The following WDR88 variants were observed in gnomAD, a reference collection of about 807,000 sequenced individuals.
The protein encoded by WDR88 is WD repeat domain 88.
WDR88 carries 40 observed loss-of-function variants against 46.8 expected under a neutral mutation model. The ratio of observed to expected loss-of-function variants is 0.86; its 90% confidence interval spans 0.66 to 1.11. The LOEUF is 1.11. Ranked by LOEUF, WDR88 falls within the 50% of genes most tolerant of loss-of-function variation. The pLI, the probability that WDR88 is intolerant of heterozygous loss-of-function variation, is 0.00. For synonymous variants in WDR88, 235 were observed against 240.7 expected, an observed-to-expected ratio of 0.98 and a Z score of 0.22; for missense variants, 562 against 602.4, an observed-to-expected ratio of 0.93 and a Z score of 0.70.
At chr19:33,146,078 G>T (rs889837489) in intron 3 of WDR88, among the ~76,000 whole-genome samples, 1 of 152,052 alleles carries the variant, frequency 6.6e-6, no homozygotes, top group South Asian at 2.1e-4. Context: ...ATCACCTGAG[G>T]TCGGGTAGCC....
chr19:33,170,730 C>T (rs910230036), intron 9 of WDR88, among the ~76,000 whole-genome samples: 3 of 151,984 alleles, frequency 2.0e-5, no homozygotes, highest in African/African-American at 7.2e-5. Flanking sequence ...GGTATGGTGG[C>T]GCATGCCTGT....
intron 2 of WDR88, 66 bp downstream of exon 2, chr19:33,137,853 T>C (rs1973307042): frequency 7.2e-7 from 1 of 1,389,744 alleles, no homozygotes; most frequent in Non-Finnish European, 1.0e-6. Context: ...ACCTCCTGTG[T>C]CGAGTTCCCC....
intron 7 of WDR88, among the ~76,000 whole-genome samples, chr19:33,158,782 C>T (rs1973811007): frequency 6.6e-6 from 1 of 152,194 alleles, no homozygotes; most frequent in African/African-American, 2.4e-5. Flanking sequence ...TCACTGCAAC[C>T]TCTGCCTCCT....
intron 7 of WDR88, among the ~76,000 whole-genome samples, chr19:33,157,730 TATATATAA>T (rs1456909916): frequency 0.048 from 2,803 of 58,526 alleles, 227 homozygotes; most frequent in African/African-American, 0.16. Flanking sequence ...TATATATATA[TATATATAA>T]AATTAAAGAG....
At chr19:33,173,308 G>A (rs957656214) in intron 10 of WDR88, among the ~76,000 whole-genome samples, 1 of 152,122 alleles carries the variant, frequency 6.6e-6, no homozygotes, top group Non-Finnish European at 1.5e-5. Flanking sequence ...ACCCTGGGCA[G>A]GTCCCCAGTG....
In WDR88 at chr19:33,150,074, A is replaced by G. The variant is rs199517957; in HGVS notation, c.680-1107A>G. The stretch of plus-strand genomic sequence containing the variant: ...GGCTGCTGGGTGAAGGACATGGGTG[A>G]TTTCTCTGTTATTCCTTACACCTCC... On this transcript the variant is annotated intron_variant, in intron 5 of 10. Coordinates refer to ENST00000355868, the MANE Select transcript of WDR88 (RefSeq NM_173479.4). Among the ~76,000 whole-genome samples, 118 of 152,292 alleles carry G rather than the reference A, an allele frequency of 7.7e-4. 2 individuals carry two copies. In the South Asian group the frequency reaches 0.022, roughly 28 times the overall value.
chr19:33,141,174 C>G (rs947060885), intron 2 of WDR88, among the ~76,000 whole-genome samples: 1 of 150,640 alleles, frequency 6.6e-6, no homozygotes, highest in Non-Finnish European at 1.5e-5. Flanking sequence ...TTGGCTCAAG[C>G]GACTCTCCTG....
intron 6 of WDR88, among the ~76,000 whole-genome samples, chr19:33,154,564 CA>C (rs1169319811): frequency 6.6e-6 from 1 of 152,178 alleles, no homozygotes; most frequent in Non-Finnish European, 1.5e-5. Context: ...CATAGTATTC[CA>C]TGGTGTATAT....
At chr19:33,155,804 G>A (rs934014487) in intron 6 of WDR88, among the ~76,000 whole-genome samples, 14 of 152,216 alleles carry the variant, frequency 9.2e-5, no homozygotes, top group African/African-American at 3.4e-4. Flanking sequence ...CTGGACTCAT[G>A]TTTTGTTGTC....
At chr19:33,169,874 A>G (rs1974009635) in intron 9 of WDR88, among the ~76,000 whole-genome samples, 1 of 151,516 alleles carries the variant, frequency 6.6e-6, no homozygotes, top group East Asian at 1.9e-4. Context: ...TTATTTATTT[A>G]TTTTATTTTA....
chr19:33,163,025 C>G (rs1260057390), intron 8 of WDR88, among the ~76,000 whole-genome samples: 1 of 151,930 alleles, frequency 6.6e-6, no homozygotes, highest in African/African-American at 2.4e-5. Flanking sequence ...TGGTGAAACT[C>G]CATCTCTATT....
chr19:33,137,755 A>G lies in WDR88; in HGVS notation c.355A>G (p.Ser119Gly). The G allele has an allele frequency of 1.2e-6, 2 of 1,613,720 alleles. No individual in the cohort carries two copies. The highest frequency in any genetic ancestry group is 1.7e-6 in the Non-Finnish European group (2 of 1,180,008). ...CTGTGTGGATGACACAAAGCTCCTC[A>G]GTGGCTCCTATGACTGCACTGTGAA... ...HFCVDDTKLL[S>G]GSYDCTVKLW... The change falls in exon 2 of 11, where the codon AGT (serine) becomes GGT (glycine). Residue 119 changes from serine (S) to glycine (G), a missense_variant. By Grantham distance (56) the Ser-to-Gly change is moderately conservative. Coordinates refer to ENST00000355868, the MANE Select transcript of WDR88 (RefSeq NM_173479.4).
chr19:33,167,018 A>C (rs1973964518), intron 9 of WDR88, among the ~76,000 whole-genome samples: 1 of 152,230 alleles, frequency 6.6e-6, no homozygotes, highest in Non-Finnish European at 1.5e-5. Context: ...AGGATTGATT[A>C]AATACATATT....
chr19:33,163,497 A>AAAAC (rs570397878), intron 8 of WDR88, among the ~76,000 whole-genome samples: 8 of 125,942 alleles, frequency 6.4e-5, no homozygotes, highest in South Asian at 5.2e-4. Flanking sequence ...ACTCTGTCTC[A>AAAAC]AAACAAACAA....
chr19:33,173,091 CAAAAAAAAAAAAAAAAAA>C (rs60495323), intron 10 of WDR88, among the ~76,000 whole-genome samples: 1,018 of 57,474 alleles, frequency 0.018, 23 homozygotes, highest in Middle Eastern at 0.074. Flanking sequence ...GACTCTGTCT[CAAAAAAAAAAAAAAAAAA>C]AAAAAAAAAA....
chr19:33,141,003 C>T (rs1287768019), intron 2 of WDR88, among the ~76,000 whole-genome samples: 1 of 140,156 alleles, frequency 7.1e-6, no homozygotes, highest in Admixed American at 7.5e-5. Context: ...GTGGCAAGAA[C>T]ACAGCTCACT....
intron 5 of WDR88, among the ~76,000 whole-genome samples, chr19:33,150,493 C>A (rs1973612180): frequency 6.6e-6 from 1 of 152,244 alleles, no homozygotes; most frequent in Admixed American, 6.5e-5. Context: ...AAGCAAAAGG[C>A]TGCTGTGTCT....
chr19:33,140,647 G>T (rs1277903493), intron 2 of WDR88, among the ~76,000 whole-genome samples: 2 of 152,096 alleles, frequency 1.3e-5, no homozygotes, highest in Admixed American at 6.6e-5. Context: ...AAAATTAGCT[G>T]GGTGTGGTGG....
At chr19:33,172,498 T>A in intron 10 of WDR88, 58 bp downstream of exon 10, 1 of 1,400,704 alleles carries the variant, frequency 7.1e-7, no homozygotes, top group Non-Finnish European at 9.9e-7. Flanking sequence ...CTCTATAAAT[T>A]AATTTATCAT....
Sources: allele counts gnomAD v4.1 joint callset (sites outside exome capture counted in the v4.1 genomes callset), GRCh38; gene constraint gnomAD v4.1.1; transcripts MANE v1.5; gene names NCBI Gene and HGNC (gene_info 2026-07-23, HGNC 2026-07-21).